The following ANO10 variants were observed in gnomAD, a reference collection of about 807,000 sequenced individuals.
ANO10 encodes the protein anoctamin 10, also known as anoctamin-10.
A neutral mutation model predicts 74.7 loss-of-function variants in ANO10; 77 were observed. The ratio of observed to expected loss-of-function variants is 1.03; its 90% CI spans 0.86 to 1.25. ANO10 has a LOEUF of 1.25. Ranked by LOEUF, ANO10 falls within the 50% of genes most tolerant of loss-of-function variation. The pLI, the probability that ANO10 is intolerant of heterozygous loss-of-function variation, is 0.00. For synonymous variants in ANO10, 279 were observed against 284.9 expected, an observed-to-expected ratio of 0.98 and a Z score of 0.21; for missense variants, 721 against 778.1, an observed-to-expected ratio of 0.93 and a Z score of 0.87.
intron 11 of ANO10, among the ~76,000 whole-genome samples, chr3:43,458,862 T>C (rs889211493): frequency 2.6e-5 from 4 of 152,142 alleles, no homozygotes; most frequent in Non-Finnish European, 5.9e-5. Flanking sequence ...CCTGTGTCCA[T>C]GTGTTCTCAT....
intron 1 of ANO10, among the ~76,000 whole-genome samples, chr3:43,634,010 A>AAAC (rs1257988790): frequency 1.1e-4 from 17 of 151,480 alleles, no homozygotes; most frequent in African/African-American, 3.4e-4. Context: ...AAAAAAAAAA[A>AAAC]AAAAATCTGC....
At chr3:43,414,967 CTTTTTTTTTT>C (rs60554785) in intron 12 of ANO10, among the ~76,000 whole-genome samples, 1 of 66,594 alleles carries the variant, frequency 1.5e-5, no homozygotes, top group Admixed American at 2.4e-4. Context: ...TGTCATTGTG[CTTTTTTTTTT>C]TTTTTTTTTT....
At chr3:43,375,790 G>A (rs2091781413) in intron 12 of ANO10, among the ~76,000 whole-genome samples, 1 of 129,050 alleles carries the variant, frequency 7.7e-6, no homozygotes, top group South Asian at 2.4e-4. Flanking sequence ...AGCCACAGGA[G>A]CCTGGGGGAG....
chr3:43,651,776 T>C (rs1002464203), intron 1 of ANO10, among the ~76,000 whole-genome samples: 3 of 152,208 alleles, frequency 2.0e-5, no homozygotes, highest in African/African-American at 7.2e-5. Context: ...GGTTCTATTT[T>C]GTACCAGTGT....
chr3:43,489,165 T>A (rs1306317812), intron 11 of ANO10, among the ~76,000 whole-genome samples: 1 of 112,424 alleles, frequency 8.9e-6, no homozygotes, highest in African/African-American at 3.5e-5. Flanking sequence ...CTCTGGGGAC[T>A]GTTGTGGGGT....
At position 43,600,612 on chromosome 3, in the gene ANO10, G is replaced by A. The variant is rs770851464; in HGVS notation, c.140-31C>T. The A allele has an allele frequency of 3.9e-6, 6 of 1,548,630 alleles. No homozygotes were observed. The Admixed American group carries it at 1.0e-4, about 26-fold the overall frequency. ...AAAACAAAAGATAAGCACAATCTTA[G>A]ACAAACATAAAAGTTTCAAAACTAA... On this transcript the variant is annotated intron_variant, in intron 2 of 12. Transcript: ENST00000292246.
intron 12 of ANO10, among the ~76,000 whole-genome samples, chr3:43,382,420 G>A (rs1342653598): frequency 2.6e-5 from 4 of 151,724 alleles, no homozygotes; most frequent in Admixed American, 2.6e-4. Context: ...TCGGGAGGCT[G>A]AGGCAGGAGA....
chr3:43,498,978 C>T (rs1201896304), intron 11 of ANO10, among the ~76,000 whole-genome samples: 1 of 152,086 alleles, frequency 6.6e-6, no homozygotes, highest in Non-Finnish European at 1.5e-5. Context: ...GGGGTAAGTC[C>T]CCAGACCCGA....
At chr3:43,442,509 A>G (rs1005838832) in intron 11 of ANO10, among the ~76,000 whole-genome samples, 5 of 152,214 alleles carry the variant, frequency 3.3e-5, no homozygotes, top group Non-Finnish European at 7.4e-5. Flanking sequence ...GTACACTGAG[A>G]CCACAAAACA....
At chr3:43,646,859 C>T (rs1163378825) in intron 1 of ANO10, among the ~76,000 whole-genome samples, 1 of 152,116 alleles carries the variant, frequency 6.6e-6, no homozygotes, top group Non-Finnish European at 1.5e-5. Flanking sequence ...TAGTTCGGTT[C>T]TAAAATGAGA....
chr3:43,580,597 A>T, intron 4 of ANO10, 125 bp from the exon 5 acceptor site: 2 of 1,107,582 alleles, frequency 1.8e-6, no homozygotes, highest in Non-Finnish European at 2.7e-6. Flanking sequence ...CATACTGCCT[A>T]CTCCAAACCT....
chr3:43,422,210 G>A lies in ANO10; in HGVS notation c.1914+10401C>T, dbSNP rs946656075. 1.4e-4 allele frequency among the ~76,000 whole-genome samples: 21 copies of A among 152,208 alleles called. No homozygotes were observed. In the East Asian group the frequency reaches 1.5e-3, roughly 11 times the overall value. On this transcript the variant is annotated intron_variant, in intron 12 of 12. Coordinates refer to ENST00000292246, the MANE Select transcript of ANO10 (RefSeq NM_018075.5). ...CAGCTCATTGCAACCTCTGCCTCAC[G>A]GGTTCAAGCGACTCTCCTGCCTCAG...
intron 11 of ANO10, among the ~76,000 whole-genome samples, chr3:43,521,684 G>A (rs558198740): frequency 2.3e-4 from 35 of 152,268 alleles, no homozygotes; most frequent in African/African-American, 6.7e-4. Context: ...ACCCTCGTAC[G>A]TTGCTGATGG....
intron 4 of ANO10, among the ~76,000 whole-genome samples, chr3:43,582,066 C>A (rs1377964072): frequency 6.6e-6 from 1 of 152,000 alleles, no homozygotes; most frequent in African/African-American, 2.4e-5. Context: ...TATCTCTTAT[C>A]TACCTGTTAC....
intron 11 of ANO10, 98 bp downstream of exon 11, chr3:43,549,622 G>T: frequency 7.4e-7 from 1 of 1,354,372 alleles, no homozygotes; most frequent in Non-Finnish European, 1.1e-6. Flanking sequence ...AATCCATATT[G>T]CTCAATTGTC....
intron 5 of ANO10, 134 bp downstream of exon 5, chr3:43,580,219 T>C: frequency 8.2e-7 from 1 of 1,217,512 alleles, no homozygotes; most frequent in Non-Finnish European, 1.2e-6. Context: ...TCAAAATGTT[T>C]TCCCACATGT....
rs1196194302 is a variant in ANO10, at chr3:43,367,517, G to A, written c.1915-543C>T. 2.0e-5 allele frequency among the ~76,000 whole-genome samples: 3 copies of A among 152,152 alleles called. No individual in the cohort carries two copies. In the East Asian group the frequency reaches 5.8e-4, roughly 29 times the overall value. ...GCCTTTTGTCCCTAGTACAGCCACA[G>A]GACTTACACTCACCCCTCCGCCCCC... On this transcript the variant is annotated intron_variant, in intron 12 of 12. Coordinates refer to ENST00000292246, the MANE Select transcript of ANO10 (RefSeq NM_018075.5).
At chr3:43,630,752 TTCTG>T (rs1324856736) in intron 1 of ANO10, among the ~76,000 whole-genome samples, 4 of 152,224 alleles carry the variant, frequency 2.6e-5, no homozygotes, top group Non-Finnish European at 4.4e-5. Flanking sequence ...TTGTAACTTA[TTCTG>T]TCTAATTCTT....
At chr3:43,436,011 G>A (rs1039083458) in intron 11 of ANO10, among the ~76,000 whole-genome samples, 1 of 152,134 alleles carries the variant, frequency 6.6e-6, no homozygotes, top group South Asian at 2.1e-4. Flanking sequence ...GGATATATTA[G>A]ACCTTCCCCA....
Sources: gnomAD v4.1 joint callset for allele counts (sites outside exome capture counted in the v4.1 genomes callset) on GRCh38, gnomAD v4.1.1 for gene constraint, MANE v1.5 for transcripts, NCBI Gene and HGNC (gene_info 2026-07-23, HGNC 2026-07-21) for gene names.